Variants in CPNE4 observed in about 807,000 individuals in gnomAD.
The protein encoded by CPNE4 is copine 4.
In CPNE4, 25 loss-of-function variants were observed where a neutral mutation model predicts 67.9. The ratio of observed to expected loss-of-function variants is 0.37; its 90% CI spans 0.27 to 0.51. CPNE4 has a LOEUF of 0.51. Among genes scored for constraint, CPNE4 ranks in the 20% least tolerant of loss-of-function variants. CPNE4 has a pLI of 0.93. For missense variants in CPNE4, 464 were observed against 690.8 expected (o/e 0.67, Z 3.68); for synonymous variants, 242 against 244.9 (o/e 0.99, Z 0.11).
chr3:131,717,908 TTC>T (rs1560173320), intron 3 of CPNE4, among the ~76,000 whole-genome samples: 2 of 132,750 alleles, frequency 1.5e-5, no homozygotes, highest in Non-Finnish European at 1.7e-5. Flanking sequence ...CTTTCTTTCT[TTC>T]TTTCTTTCTT....
intron 2 of CPNE4, among the ~76,000 whole-genome samples, chr3:131,886,371 C>T (rs758383155): frequency 6.6e-5 from 10 of 152,204 alleles, no homozygotes; most frequent in Non-Finnish European, 1.2e-4. Context: ...AGAAGATGTA[C>T]GGAAACACCT....
At chr3:131,672,403 C>T (rs1248743763) in intron 6 of CPNE4, among the ~76,000 whole-genome samples, 1 of 152,094 alleles carries the variant, frequency 6.6e-6, no homozygotes, top group Non-Finnish European at 1.5e-5. Context: ...GAGGAACCTC[C>T]AAACTATTCT....
In CPNE4 at chr3:131,991,965, A is replaced by G. The variant is rs145001919; in HGVS notation, c.-2+42602T>C. ...TGTTTGTCCTACAGATGCACAGAAG[A>G]CAAGAATTGGAAACCTCTGCCTAGA... On this transcript the variant is annotated intron_variant, in intron 1 of 15. Coordinates refer to ENST00000429747, the MANE Select transcript of CPNE4 (RefSeq NM_130808.3). Among the ~76,000 whole-genome samples the G allele has an allele frequency of 3.6e-4, 49 of 136,648 alleles. 2 individuals are homozygous for G. Among genetic ancestry groups the G allele is most frequent in the African/African-American group, 1.1e-3 (44 of 40,848 alleles). 89.6% of individuals were successfully genotyped at this position (136,648 alleles called of 152,430 possible). A position where few individuals can be genotyped will look rare whatever the true frequency, so the allele number is the denominator to read the frequency against.
chr3:131,567,343 T>G (rs143640517), intron 10 of CPNE4, among the ~76,000 whole-genome samples: 43 of 152,044 alleles, frequency 2.8e-4, no homozygotes, highest in African/African-American at 8.9e-4. Context: ...ATATGTTATA[T>G]CTAGATAAGT....
At chr3:131,861,066 T>A (rs909133876) in intron 2 of CPNE4, among the ~76,000 whole-genome samples, 1 of 152,216 alleles carries the variant, frequency 6.6e-6, no homozygotes, top group African/African-American at 2.4e-5. Flanking sequence ...TATTAATATT[T>A]CCATTTTAGA....
chr3:132,010,054 A>G (rs1366219891), intron 1 of CPNE4, among the ~76,000 whole-genome samples: 1 of 152,212 alleles, frequency 6.6e-6, no homozygotes, highest in East Asian at 1.9e-4. Context: ...AGCCACATTC[A>G]AGGTAGTATA....
At chr3:131,720,919 G>A (rs2081867378) in intron 3 of CPNE4, among the ~76,000 whole-genome samples, 1 of 152,142 alleles carries the variant, frequency 6.6e-6, no homozygotes. Context: ...TGTGTATAAT[G>A]TTCCCATCTG....
At chr3:131,758,590 A>G (rs886763932) in intron 2 of CPNE4, among the ~76,000 whole-genome samples, 4 of 152,106 alleles carry the variant, frequency 2.6e-5, no homozygotes, top group Non-Finnish European at 5.9e-5. Flanking sequence ...ATGAGTTAAG[A>G]TTTTGGGAGA....
At chr3:131,699,326 A>T (rs2081238399) in intron 4 of CPNE4, among the ~76,000 whole-genome samples, 1 of 152,232 alleles carries the variant, frequency 6.6e-6, no homozygotes, top group Non-Finnish European at 1.5e-5. Flanking sequence ...AGTGTGATTA[A>T]GGAACTGAAT....
chr3:131,931,983 G>A (rs2071075839), intron 1 of CPNE4, among the ~76,000 whole-genome samples: 1 of 152,160 alleles, frequency 6.6e-6, no homozygotes, highest in South Asian at 2.1e-4. Context: ...CATGATACAA[G>A]TGAACACCAA....
At chr3:131,903,706 T>C (rs536012822) in intron 2 of CPNE4, among the ~76,000 whole-genome samples, 4 of 152,246 alleles carry the variant, frequency 2.6e-5, no homozygotes, top group Admixed American at 6.5e-5. Context: ...TAATATCTCA[T>C]AGAATTTTTG....
chr3:131,897,671 G>C lies in CPNE4; in HGVS notation c.180+7593C>G, dbSNP rs138316073. On this transcript the variant is annotated intron_variant, in intron 2 of 15. Transcript: ENST00000429747. ...AGCACTTTGGGAGGCCAAGGCAGGA[G>C]GATTGCTCAAGGCCAGGAGTTTGAG... Among the ~76,000 whole-genome samples the C allele has an allele frequency of 7.9e-5, 12 of 152,216 alleles. No homozygotes were observed. In the East Asian group the frequency reaches 2.3e-3, roughly 29 times the overall value.
At chr3:131,829,318 A>G (rs1366133285) in intron 2 of CPNE4, among the ~76,000 whole-genome samples, 1 of 152,232 alleles carries the variant, frequency 6.6e-6, no homozygotes, top group African/African-American at 2.4e-5. Context: ...TTCTTGAGAA[A>G]TGGTGTATTT....
intron 1 of CPNE4, among the ~76,000 whole-genome samples, chr3:131,953,239 T>TAAAAAAAAAAAAAA (rs1167094357): frequency 2.1e-5 from 2 of 97,122 alleles, no homozygotes; most frequent in African/African-American, 8.8e-5. Context: ...AATGATCAAT[T>TAAAAAAAAAAAAAA]AAAAAAAAAA....
At chr3:131,656,736 C>T (rs1047796389) in intron 7 of CPNE4, among the ~76,000 whole-genome samples, 6 of 152,114 alleles carry the variant, frequency 3.9e-5, no homozygotes, top group Non-Finnish European at 7.4e-5. Context: ...AAATAAACAA[C>T]GTAATCACAG....
At chr3:131,928,449 C>A (rs1247171322) in intron 1 of CPNE4, among the ~76,000 whole-genome samples, 2 of 152,254 alleles carry the variant, frequency 1.3e-5, no homozygotes, top group East Asian at 3.9e-4. Flanking sequence ...TTCAAAGGAG[C>A]AAGCCTTTCA....
intron 2 of CPNE4, among the ~76,000 whole-genome samples, chr3:131,863,531 C>A (rs1377009340): frequency 2.6e-5 from 4 of 152,140 alleles, no homozygotes; most frequent in Non-Finnish European, 5.9e-5. Flanking sequence ...CTGTTCATAT[C>A]CTTCGCCCAC....
chr3:131,740,051 A>G (rs1467011812), intron 2 of CPNE4, among the ~76,000 whole-genome samples: 2 of 152,210 alleles, frequency 1.3e-5, no homozygotes, highest in Non-Finnish European at 2.9e-5. Flanking sequence ...TCTTGAGACA[A>G]AACATTCACT....
At chr3:131,975,724 G>A (rs2072631660) in intron 1 of CPNE4, among the ~76,000 whole-genome samples, 1 of 152,138 alleles carries the variant, frequency 6.6e-6, no homozygotes, top group Non-Finnish European at 1.5e-5. Flanking sequence ...GGAAATCAGA[G>A]TATAGGCTGA....
Sources: gnomAD v4.1 joint callset for allele counts (sites outside exome capture counted in the v4.1 genomes callset) on GRCh38, gnomAD v4.1.1 for gene constraint, MANE v1.5 for transcripts, NCBI Gene and HGNC (gene_info 2026-07-23, HGNC 2026-07-21) for gene names.